FHOD3: variants seen among roughly 807,000 people sequenced by gnomAD.
FHOD3 encodes the protein formin homology 2 domain containing 3, also known as FH1/FH2 domain-containing protein 3.
Under a neutral mutation model 173.0 loss-of-function variants are expected in FHOD3, and 90 were observed. The observed-to-expected ratio is 0.52, with a 90% CI of 0.44 to 0.62. The LOEUF is 0.62. FHOD3 is among the 20% of genes least tolerant of loss of function. The pLI is 0.00. For synonymous variants in FHOD3, 828 were observed against 823.0 expected (o/e 1.01, Z -0.10); for missense variants, 1,945 against 2,034.7 (o/e 0.96, Z 0.85).
chr18:36,404,777 C>A (rs1328986190), intron 3 of FHOD3, among the ~76,000 whole-genome samples: 1 of 152,184 alleles, frequency 6.6e-6, no homozygotes, highest in Non-Finnish European at 1.5e-5. Context: ...ATCCTTGGAC[C>A]TGAGGGCTGC....
At chr18:36,748,421 A>ACG in intron 24 of FHOD3, among the ~76,000 whole-genome samples, 2 of 150,714 alleles carry the variant, frequency 1.3e-5, no homozygotes, top group Admixed American at 6.6e-5. Flanking sequence ...ACACACACGG[A>ACG]GAGAGAACCA....
At chr18:36,464,146 A>T (rs1407556318) in intron 3 of FHOD3, among the ~76,000 whole-genome samples, 1 of 152,208 alleles carries the variant, frequency 6.6e-6, no homozygotes, top group East Asian at 1.9e-4. Flanking sequence ...GGCCAGGTTG[A>T]TAATTCTTTT....
At chr18:36,464,721 G>A (rs956810069) in intron 3 of FHOD3, among the ~76,000 whole-genome samples, 1 of 151,554 alleles carries the variant, frequency 6.6e-6, no homozygotes, top group Non-Finnish European at 1.5e-5. Context: ...GAGGGAAGGA[G>A]GCCCAGGAGG....
At chr18:36,635,879 G>A (rs1459757805) in intron 10 of FHOD3, among the ~76,000 whole-genome samples, 1 of 152,218 alleles carries the variant, frequency 6.6e-6, no homozygotes, top group Non-Finnish European at 1.5e-5. Flanking sequence ...CTCATGAAAT[G>A]AAGAAACTGA....
chr18:36,358,081 T>C (rs2046445146), intron 2 of FHOD3, among the ~76,000 whole-genome samples: 1 of 152,238 alleles, frequency 6.6e-6, no homozygotes, highest in African/African-American at 2.4e-5. Flanking sequence ...ATTGTCTCAA[T>C]TTTTCATCTG....
In FHOD3 at chr18:36,775,436, C is replaced by T. The variant is rs534317105; in HGVS notation, c.4787-4012C>T. Among the ~76,000 whole-genome samples the T allele has an allele frequency of 4.6e-5, 7 of 152,272 alleles. No homozygotes were observed. The South Asian group carries it at 8.3e-4, about 18-fold the overall frequency. ...TCCAGTGTGGACTGTGATCCAAAGTCGGCTCAAACCCTTCTCTACCACTAA... is the reference window on the plus strand; with the variant it reads ...TCCAGTGTGGACTGTGATCCAAAGTTGGCTCAAACCCTTCTCTACCACTAA... On this transcript the variant is annotated intron_variant, in intron 28 of 28. Transcript: ENST00000590592.
chr18:36,501,880 A>G, intron 3 of FHOD3, 52 bp from the exon 4 acceptor site: 1 of 1,268,974 alleles, frequency 7.9e-7, no homozygotes, highest in Admixed American at 2.1e-5. Context: ...CTGTGTTTTC[A>G]CTGTCAATAG....
At chr18:36,503,372 A>T in intron 4 of FHOD3, among the ~76,000 whole-genome samples, 1 of 152,148 alleles carries the variant, frequency 6.6e-6, no homozygotes, top group East Asian at 1.9e-4. Context: ...TTTGTCAGCG[A>T]TAGTTGTCAG....
intron 24 of FHOD3, among the ~76,000 whole-genome samples, chr18:36,749,207 G>A (rs923670495): frequency 6.6e-6 from 1 of 152,138 alleles, no homozygotes; most frequent in Admixed American, 6.5e-5. Flanking sequence ...TAGGTTCAGG[G>A]ATACATGTGA....
chr18:36,746,433 G>GT lies in FHOD3; in HGVS notation c.4042-511dup, dbSNP rs2042160050. On this transcript the variant is annotated intron_variant, in intron 23 of 28. Transcript: ENST00000590592. ...TTCTCCATGAGTGTTGGTGGAATGA[G>GT]TGAGTGGGCAGGTGAATAAAACAAC... is the stretch of plus-strand genomic sequence containing the variant. 3.3e-5 allele frequency among the ~76,000 whole-genome samples: 5 copies of GT among 152,326 alleles called. No homozygotes were observed. The South Asian group carries it at 1.0e-3, about 32-fold the overall frequency.
chr18:36,302,828 T>A (rs1465475842), intron 1 of FHOD3, among the ~76,000 whole-genome samples: 2 of 152,264 alleles, frequency 1.3e-5, no homozygotes, highest in African/African-American at 4.8e-5. Context: ...GAATGTTGTA[T>A]GAACAGCTAA....
intron 3 of FHOD3, among the ~76,000 whole-genome samples, chr18:36,409,500 T>G (rs894585609): frequency 1.3e-5 from 2 of 152,152 alleles, no homozygotes; most frequent in Admixed American, 1.3e-4. Flanking sequence ...GGGTTTGTGT[T>G]CCCAGGAACC....
intron 14 of FHOD3, among the ~76,000 whole-genome samples, chr18:36,669,924 T>C (rs975654707): frequency 2.0e-5 from 3 of 152,048 alleles, no homozygotes; most frequent in Non-Finnish European, 2.9e-5. Flanking sequence ...AGTGCAGGTC[T>C]AGATAATGAA....
At chr18:36,377,793 C>T (rs918729394) in intron 3 of FHOD3, among the ~76,000 whole-genome samples, 8 of 152,186 alleles carry the variant, frequency 5.3e-5, no homozygotes, top group Non-Finnish European at 2.9e-5. Context: ...GACTGGGAGA[C>T]ACCCCCATCC....
intron 18 of FHOD3, among the ~76,000 whole-genome samples, chr18:36,716,736 TGGG>T (rs1457237813): frequency 1.3e-5 from 2 of 152,132 alleles, no homozygotes; most frequent in African/African-American, 4.8e-5. Flanking sequence ...AGAAGGGTGG[TGGG>T]AGCAATAGCT....
intron 3 of FHOD3, among the ~76,000 whole-genome samples, chr18:36,453,433 C>G (rs1257073950): frequency 6.6e-6 from 1 of 152,240 alleles, no homozygotes; most frequent in African/African-American, 2.4e-5. Flanking sequence ...AGCTGGAGTC[C>G]TGCAACTAAC....
intron 4 of FHOD3, among the ~76,000 whole-genome samples, chr18:36,508,387 T>C (rs900968871): frequency 6.6e-6 from 1 of 152,142 alleles, no homozygotes. Flanking sequence ...GAGAAGTGGC[T>C]GATTCCAAGT....
chr18:36,685,031 C>A (rs2038512783), intron 15 of FHOD3, among the ~76,000 whole-genome samples: 1 of 152,268 alleles, frequency 6.6e-6, no homozygotes, highest in South Asian at 2.1e-4. Context: ...TTTTGAACTC[C>A]TGGGCTCAAG....
At chr18:36,481,021 T>C (rs868658554) in intron 3 of FHOD3, among the ~76,000 whole-genome samples, 1 of 6,258 alleles carries the variant, frequency 1.6e-4, no homozygotes, top group South Asian at 8.5e-3. Flanking sequence ...TGGGAGGTGG[T>C]TTTTTTTTTT....
Sources: allele counts gnomAD v4.1 joint callset (sites outside exome capture counted in the v4.1 genomes callset), GRCh38; gene constraint gnomAD v4.1.1; transcripts MANE v1.5; gene names NCBI Gene and HGNC (gene_info 2026-07-23, HGNC 2026-07-21).